Variants in GPR107 observed in about 807,000 individuals in gnomAD.
The protein encoded by GPR107 is protein GPR107.
A neutral mutation model predicts 75.5 loss-of-function variants in GPR107; 31 were observed. The ratio of observed to expected loss-of-function variants is 0.41; its 90% CI spans 0.31 to 0.55. The LOEUF (loss-of-function observed/expected upper bound fraction) is 0.55. Ranked by LOEUF, GPR107 falls within the 20% of genes least tolerant of loss-of-function variation. The pLI, the probability that GPR107 is intolerant of heterozygous loss-of-function variation, is 0.26. For missense variants in GPR107, 572 were observed against 665.7 expected (o/e 0.86, Z 1.55); for synonymous variants, 267 against 251.3 (o/e 1.06, Z -0.59).
rs182959768 is a variant in GPR107 at position 130,069,408 on chromosome 9, T to C, written c.142-6228T>C. ...GAACCTCCATTGCCTGTGTCAGTGC[T>C]AATGGAAATGATAGGGTGGAAGTGG... On this transcript the variant is annotated intron_variant, in intron 1 of 17. Transcript: ENST00000347136. 1.6e-3 allele frequency among the ~76,000 whole-genome samples: 240 copies of C among 152,308 alleles called. 1 individual carries two copies. Among genetic ancestry groups the C allele is most frequent in the African/African-American group, 5.7e-3 (236 of 41,572 alleles).
intron 5 of GPR107, among the ~76,000 whole-genome samples, chr9:130,080,565 C>T (rs1830469976): frequency 1.3e-5 from 2 of 151,994 alleles, no homozygotes; most frequent in South Asian, 4.2e-4. Flanking sequence ...AATCTCGGCT[C>T]ACTGCAAGCT....
intron 17 of GPR107, among the ~76,000 whole-genome samples, chr9:130,130,372 G>T (rs1009735777): frequency 1.2e-4 from 19 of 152,208 alleles, no homozygotes; most frequent in African/African-American, 4.6e-4. Flanking sequence ...TTTGGTGTGG[G>T]TTCCTGGGCC....
chr9:130,062,656 GCCTGCCTTCCTTCCTT>G (rs1347131093), intron 1 of GPR107, among the ~76,000 whole-genome samples: 16 of 46,138 alleles, frequency 3.5e-4, no homozygotes, highest in African/African-American at 8.4e-4. Context: ...CTGCCTGCCT[GCCTGCCTTCCTTCCTT>G]CCTTCCTTCC....
At chr9:130,100,097 G>A (rs1015976141) in intron 10 of GPR107, among the ~76,000 whole-genome samples, 11 of 151,310 alleles carry the variant, frequency 7.3e-5, no homozygotes, top group African/African-American at 1.9e-4. Context: ...GGGTTTCACC[G>A]TGTTAGCCAG....
intron 6 of GPR107, among the ~76,000 whole-genome samples, chr9:130,085,829 C>T (rs1830603581): frequency 7.2e-6 from 1 of 138,392 alleles, no homozygotes; most frequent in Non-Finnish European, 1.5e-5. Flanking sequence ...GGCACGATCT[C>T]AACCTCCACC....
At chr9:130,101,688 G>A (rs544402588) in intron 12 of GPR107, among the ~76,000 whole-genome samples, 1 of 152,364 alleles carries the variant, frequency 6.6e-6, no homozygotes, top group Non-Finnish European at 1.5e-5. Flanking sequence ...GTTTGGGGCC[G>A]AGGGCCAAGG....
intron 1 of GPR107, among the ~76,000 whole-genome samples, chr9:130,067,898 C>G (rs576920832): frequency 3.0e-4 from 45 of 151,786 alleles, no homozygotes; most frequent in African/African-American, 9.7e-4. Context: ...GCGGGCGCCA[C>G]CACGCCTGGC....
At chr9:130,108,992 CTTTT>C (rs11316244) in intron 14 of GPR107, among the ~76,000 whole-genome samples, 7 of 66,056 alleles carry the variant, frequency 1.1e-4, no homozygotes, top group South Asian at 6.4e-4. Context: ...TGGGGATATT[CTTTT>C]TTTTTTTTTT....
intron 15 of GPR107, among the ~76,000 whole-genome samples, chr9:130,125,860 C>T (rs1831664735): frequency 6.6e-6 from 1 of 151,724 alleles, no homozygotes; most frequent in Non-Finnish European, 1.5e-5. Flanking sequence ...CCATCCTGTC[C>T]AACATGGTGA....
chr9:130,111,070 C>T (rs1171851935), intron 14 of GPR107, among the ~76,000 whole-genome samples: 1 of 151,958 alleles, frequency 6.6e-6, no homozygotes, highest in Non-Finnish European at 1.5e-5. Context: ...CCAGGCTGGT[C>T]TTAAACTCCT....
chr9:130,113,830 A>G (rs866475553), intron 14 of GPR107, among the ~76,000 whole-genome samples: 5 of 152,146 alleles, frequency 3.3e-5, no homozygotes, highest in Non-Finnish European at 7.4e-5. Context: ...TCAGGTTTTA[A>G]TGTAGAATCA....
At chr9:130,102,887 G>T (rs533728548) in intron 12 of GPR107, among the ~76,000 whole-genome samples, 1 of 151,930 alleles carries the variant, frequency 6.6e-6, no homozygotes, top group African/African-American at 2.4e-5. Context: ...GGGCTCAGGC[G>T]ATCCTCCTGC....
At chr9:130,096,668 A>G (rs139712349) in intron 9 of GPR107, among the ~76,000 whole-genome samples, 9 of 151,804 alleles carry the variant, frequency 5.9e-5, no homozygotes, top group African/African-American at 1.7e-4. Flanking sequence ...GGGTTTCACT[A>G]CGTTGGCCAG....
chr9:130,093,387 T>C (rs1456944886), intron 9 of GPR107, among the ~76,000 whole-genome samples: 3 of 152,210 alleles, frequency 2.0e-5, no homozygotes, highest in Non-Finnish European at 4.4e-5. Flanking sequence ...AATGATAGTA[T>C]GCGAATATGC....
At chr9:130,091,877 G>T (rs146598231) in intron 8 of GPR107, among the ~76,000 whole-genome samples, 1 of 151,876 alleles carries the variant, frequency 6.6e-6, no homozygotes, top group Non-Finnish European at 1.5e-5. Context: ...TGTGTTTTTC[G>T]TAGAGACAGG....
chr9:130,108,413 T>C (rs7863436), intron 14 of GPR107, among the ~76,000 whole-genome samples: 1,653 of 152,372 alleles, frequency 0.011, 31 homozygotes, highest in African/African-American at 0.038. Flanking sequence ...TAAATCTTCT[T>C]TCACAAACCT....
At chr9:130,060,532 G>A (rs1373403840) in intron 1 of GPR107, among the ~76,000 whole-genome samples, 3 of 151,244 alleles carry the variant, frequency 2.0e-5, no homozygotes, top group South Asian at 2.1e-4. Flanking sequence ...CCATCTTCCC[G>A]TTTCAGCCTC....
chr9:130,124,932 A>G lies in GPR107; in HGVS notation c.1324A>G (p.Lys442Glu). 6.4e-7 allele frequency: 1 copy of G among 1,552,278 alleles called. No homozygotes were observed. Among genetic ancestry groups the G allele is most frequent in the Non-Finnish European group, 8.8e-7 (1 of 1,140,082 alleles). ...CTCTCTAGCTGCTATTAACTTAGCAAAGCTGAAACTTTTCAGACATTATTA... is the reference window on the plus strand; with the variant it reads ...CTCTCTAGCTGCTATTAACTTAGCAGAGCTGAAACTTTTCAGACATTATTA... ...TDGKAAINLA[K>E]LKLFRHYYVL... Residue 442 changes from lysine to glutamate, a missense_variant, in exon 15 of 18, where the codon AAG becomes GAG. Lys to Glu is a moderately conservative substitution (Grantham distance 56, BLOSUM62 1). Transcript: ENST00000347136.
chr9:130,055,417 A>G (rs569488664), intron 1 of GPR107, among the ~76,000 whole-genome samples: 4 of 151,454 alleles, frequency 2.6e-5, no homozygotes, highest in East Asian at 2.0e-4. Flanking sequence ...AGTCCCAGCT[A>G]CTCGGGAGAC....
Sources: gnomAD v4.1 joint callset for allele counts (sites outside exome capture counted in the v4.1 genomes callset) on GRCh38, gnomAD v4.1.1 for gene constraint, MANE v1.5 for transcripts, NCBI Gene and HGNC (gene_info 2026-07-23, HGNC 2026-07-21) for gene names.